FBXL13: variants seen among roughly 807,000 people sequenced by gnomAD.
FBXL13 encodes F-box and leucine-rich repeat protein 13.
Under a neutral mutation model 83.6 loss-of-function variants are expected in FBXL13, and 67 were observed. The ratio of observed to expected loss-of-function variants is 0.80; its 90% CI spans 0.66 to 0.98. The LOEUF (loss-of-function observed/expected upper bound fraction) is 0.98. Among genes scored for constraint, FBXL13 ranks in the 50% least tolerant of loss-of-function variants. The pLI is 0.00. For missense variants in FBXL13, 822 were observed against 866.5 expected (o/e 0.95, Z 0.64); for synonymous variants, 272 against 299.5 (o/e 0.91, Z 0.95).
At chr7:102,944,282 G>C in intron 8 of FBXL13, 1 of 1,613,800 alleles carries the variant, frequency 6.2e-7, no homozygotes, top group Non-Finnish European at 8.5e-7. Context: ...TTTGACTATG[G>C]CGTATTAGAA....
intron 16 of FBXL13, among the ~76,000 whole-genome samples, chr7:102,866,332 C>A (rs1807646221): frequency 6.6e-6 from 1 of 152,062 alleles, no homozygotes; most frequent in African/African-American, 2.4e-5. Flanking sequence ...AGACAATGGA[C>A]CATAACCTCT....
At chr7:102,909,162 T>C (rs1814249447) in intron 11 of FBXL13, among the ~76,000 whole-genome samples, 1 of 152,156 alleles carries the variant, frequency 6.6e-6, no homozygotes, top group Non-Finnish European at 1.5e-5. Context: ...AGAGGAACCT[T>C]ACCCTGTAGC....
chr7:102,813,452 C>T (rs1797577440), exon 20 of FBXL13: 1 of 1,614,176 alleles, frequency 6.2e-7, no homozygotes, highest in Middle Eastern at 1.6e-4. Flanking sequence ...CCTTCCCTAT[C>T]ATAGCCAAAC....
chr7:102,975,688 C>T (rs1013967885), intron 6 of FBXL13, among the ~76,000 whole-genome samples: 3 of 152,198 alleles, frequency 2.0e-5, no homozygotes, highest in Non-Finnish European at 4.4e-5. Flanking sequence ...CCTAGCCAGT[C>T]CAGAAGGAAC....
intron 8 of FBXL13, among the ~76,000 whole-genome samples, chr7:102,935,238 C>CTTTTTTTTTTTT (rs1563116555): frequency 1.2e-5 from 1 of 84,466 alleles, no homozygotes; most frequent in Non-Finnish European, 2.2e-5. Context: ...TTTTTTTTTT[C>CTTTTTTTTTTTT]TTTCTTTTTT....
At chr7:102,906,222 A>G (rs1813727797) in intron 11 of FBXL13, among the ~76,000 whole-genome samples, 2 of 152,188 alleles carry the variant, frequency 1.3e-5, no homozygotes. Flanking sequence ...TTGGGCAGGG[A>G]CACAGCCAAA....
At chr7:102,933,870 T>C in intron 8 of FBXL13, 1 of 1,518,508 alleles carries the variant, frequency 6.6e-7, no homozygotes. Flanking sequence ...ACTTTCATTG[T>C]TCCGTCTGTA....
intron 17 of FBXL13, among the ~76,000 whole-genome samples, chr7:102,851,673 C>T (rs1166549327): frequency 6.6e-6 from 1 of 151,580 alleles, no homozygotes. Context: ...CTAGAGCTTC[C>T]AATGTGTTTC....
intron 6 of FBXL13, among the ~76,000 whole-genome samples, chr7:103,020,543 T>G (rs1264430785): frequency 1.3e-5 from 2 of 152,344 alleles, no homozygotes; most frequent in Middle Eastern, 6.8e-3. Context: ...TTGTCCCTGT[T>G]TGCAGATGAC....
intron 17 of FBXL13, among the ~76,000 whole-genome samples, chr7:102,840,842 T>G (rs1379884840): frequency 6.6e-6 from 1 of 152,152 alleles, no homozygotes; most frequent in African/African-American, 2.4e-5. Context: ...TCTACCTATC[T>G]CATAGGCCTA....
intron 10 of FBXL13, among the ~76,000 whole-genome samples, chr7:102,918,647 C>G (rs1305086790): frequency 6.6e-6 from 1 of 152,100 alleles, no homozygotes; most frequent in Non-Finnish European, 1.5e-5. Context: ...GAGATCTTGT[C>G]TCTACAAAAG....
At chr7:103,055,681 T>C (rs1217713371) in exon 2 of FBXL13, 6 of 1,285,652 alleles carry the variant, frequency 4.7e-6, no homozygotes, top group Non-Finnish European at 6.1e-6. Flanking sequence ...ATTATAACCA[T>C]GATCATTCCC....
Position 103,047,253 on chromosome 7 carries a change from G to A in FBXL13, c.-1+8391C>T, listed in dbSNP as rs78227631. Among the ~76,000 whole-genome samples the A allele has an allele frequency of 9.7e-3, 1,476 of 152,152 alleles. 10 individuals carry two copies. The highest frequency in any genetic ancestry group is 0.017 in the Non-Finnish European group (1,163 of 67,986). ...TCATTATATCAATATATTCAATTTG[G>A]ATGATTTTATCTTTTCCATGATGAG... On this transcript the variant is annotated intron_variant, in intron 2 of 19. Coordinates refer to ENST00000313221, the Ensembl canonical transcript of FBXL13.
chr7:102,892,634 T>C (rs538098995), intron 11 of FBXL13, among the ~76,000 whole-genome samples: 3 of 152,330 alleles, frequency 2.0e-5, no homozygotes, highest in African/African-American at 7.2e-5. Flanking sequence ...TATTAAATGA[T>C]ACTTAAAACC....
At chr7:102,960,172 A>G (rs1338727942) in intron 8 of FBXL13, among the ~76,000 whole-genome samples, 3 of 152,066 alleles carry the variant, frequency 2.0e-5, no homozygotes, top group Non-Finnish European at 4.4e-5. Context: ...CAAATACTAG[A>G]CCCCAAAAGA....
At chr7:102,843,131 G>A (rs1803258968) in intron 17 of FBXL13, among the ~76,000 whole-genome samples, 1 of 152,128 alleles carries the variant, frequency 6.6e-6, no homozygotes, top group African/African-American at 2.4e-5. Context: ...GAAGATTAAG[G>A]GAGAGAAGGA....
intron 6 of FBXL13, among the ~76,000 whole-genome samples, chr7:102,995,229 C>G (rs1469211894): frequency 6.6e-6 from 1 of 152,104 alleles, no homozygotes; most frequent in East Asian, 1.9e-4. Context: ...CGCCTGTAAT[C>G]CCAGCACTTT....
At chr7:102,853,461 C>T (rs1229106135) in intron 17 of FBXL13, among the ~76,000 whole-genome samples, 1 of 152,134 alleles carries the variant, frequency 6.6e-6, no homozygotes, top group Non-Finnish European at 1.5e-5. Flanking sequence ...TAGGCATGGG[C>T]AAGGACTTCA....
intron 6 of FBXL13, among the ~76,000 whole-genome samples, chr7:103,020,583 C>G (rs1247696257): frequency 6.6e-6 from 1 of 152,226 alleles, no homozygotes; most frequent in Middle Eastern, 3.4e-3. Context: ...TTTAGAAAAC[C>G]CCATCGTCTC....
Sources: allele counts gnomAD v4.1 joint callset (sites outside exome capture counted in the v4.1 genomes callset), GRCh38; gene constraint gnomAD v4.1.1; transcripts MANE v1.5; gene names NCBI Gene and HGNC (gene_info 2026-07-23, HGNC 2026-07-21).